The following NDRG1 variants were observed in gnomAD, a reference collection of about 807,000 sequenced individuals.
NDRG1 encodes the protein protein NDRG1.
In NDRG1, 32 loss-of-function variants were observed where a neutral mutation model predicts 56.9. The ratio of observed to expected loss-of-function variants is 0.56; its 90% CI spans 0.42 to 0.76. The LOEUF (loss-of-function observed/expected upper bound fraction) is 0.76, where lower values mean the gene tolerates loss of function less well. NDRG1 is among the 30% of genes least tolerant of loss of function. The probability of loss-of-function intolerance (pLI) is 0.00; values close to 1 mark genes in which losing one functional copy is unlikely to be tolerated. For synonymous variants in NDRG1, 211 were observed against 204.1 expected, an observed-to-expected ratio of 1.03 and a Z score of -0.29; for missense variants, 507 against 545.7, an observed-to-expected ratio of 0.93 and a Z score of 0.71.
chr8:133,293,142 C>G (rs1858519430), intron 1 of NDRG1, among the ~76,000 whole-genome samples: 1 of 152,244 alleles, frequency 6.6e-6, no homozygotes, highest in Non-Finnish European at 1.5e-5. Context: ...TCATGGCCCT[C>G]TACCTCTGCA....
Position 133,259,235 on chromosome 8 carries a change from G to C in NDRG1, c.327-5C>G, listed in dbSNP as rs545367069. ...TCCATGGAGGGGTACATGTACCTGG[G>C]GATGACACAGAGAAGCCATTAGTGA... On this transcript the variant is annotated splice_region_variant and splice_polypyrimidine_tract_variant and intron_variant, in intron 5 of 15. Transcript: ENST00000323851. 1.9e-6 allele frequency: 3 copies of C among 1,614,056 alleles called. No individual in the cohort carries two copies. The East Asian group carries it at 6.7e-5, about 36-fold the overall frequency.
chr8:133,252,643 A>G, intron 9 of NDRG1, among the ~76,000 whole-genome samples: 1 of 150,212 alleles, frequency 6.7e-6, no homozygotes, highest in Non-Finnish European at 1.5e-5. Flanking sequence ...TCCCTCGTAC[A>G]CTCGCCAACT....
intron 3 of NDRG1, among the ~76,000 whole-genome samples, chr8:133,269,944 G>A (rs1857110723): frequency 6.6e-6 from 1 of 152,262 alleles, no homozygotes; most frequent in Admixed American, 6.5e-5. Context: ...GTGAGGAAGT[G>A]TGCCAACACT....
In NDRG1 at chr8:133,253,997, C is replaced by T. The variant is rs142991926; in HGVS notation, c.594+542G>A. 3.3e-4 allele frequency among the ~76,000 whole-genome samples: 50 copies of T among 151,730 alleles called. No individual in the cohort carries two copies. In the East Asian group the frequency reaches 9.5e-3, roughly 29 times the overall value. ...GATTATAGGAATGAGCACTGCACCC[C>T]GACTAGGAATAAACTATTGATCCAC... is the stretch of plus-strand genomic sequence containing the variant. On this transcript the variant is annotated intron_variant, in intron 9 of 15. Transcript: ENST00000323851.
chr8:133,284,848 C>T (rs769932299), intron 1 of NDRG1: 11 of 456,578 alleles, frequency 2.4e-5, no homozygotes, highest in Middle Eastern at 3.2e-4. Flanking sequence ...CACACGCATG[C>T]GCGTGAACAC....
chr8:133,286,045 C>G (rs1209112971), intron 1 of NDRG1, among the ~76,000 whole-genome samples: 2 of 152,140 alleles, frequency 1.3e-5, no homozygotes, highest in Non-Finnish European at 2.9e-5. Flanking sequence ...GCAAAGCGCG[C>G]CAGGGTGAAG....
At chr8:133,239,300 G>A (rs1002649603) in intron 15 of NDRG1, 181 bp from the exon 16 acceptor site, 57 of 997,970 alleles carry the variant, frequency 5.7e-5, no homozygotes, top group Non-Finnish European at 8.2e-5. Flanking sequence ...GAGATGGCAA[G>A]GCCCAGATGC....
At chr8:133,253,390 T>A (rs560016300) in intron 9 of NDRG1, among the ~76,000 whole-genome samples, 18 of 152,322 alleles carry the variant, frequency 1.2e-4, no homozygotes, top group Non-Finnish European at 2.2e-4. Context: ...TCTCCCTGGT[T>A]GAGACCCTAT....
intron 15 of NDRG1, chr8:133,239,736 AT>A (rs1855278255): frequency 6.2e-6 from 1 of 160,602 alleles, no homozygotes; most frequent in Admixed American, 5.8e-5. Context: ...GCACATGCTG[AT>A]GGGGTAGCAC....
At chr8:133,260,003 G>A (rs1431808438) in intron 5 of NDRG1, among the ~76,000 whole-genome samples, 2 of 152,192 alleles carry the variant, frequency 1.3e-5, no homozygotes, top group African/African-American at 4.8e-5. Flanking sequence ...CGTATGGTGT[G>A]GCTCCACATC....
At chr8:133,252,066 C>CA (rs1856081419) in intron 9 of NDRG1, among the ~76,000 whole-genome samples, 1 of 152,160 alleles carries the variant, frequency 6.6e-6, no homozygotes, top group Non-Finnish European at 1.5e-5. Context: ...GTTCTAGACT[C>CA]AGAGCTGTGA....
At chr8:133,250,260 G>C (rs1855938713) in intron 10 of NDRG1, among the ~76,000 whole-genome samples, 180 bp downstream of exon 10, 1 of 152,124 alleles carries the variant, frequency 6.6e-6, no homozygotes, top group Non-Finnish European at 1.5e-5. Context: ...TGAATGCCAG[G>C]AACCAGCTTA....
chr8:133,259,903 A>G (rs553647430), intron 5 of NDRG1, among the ~76,000 whole-genome samples: 1 of 152,300 alleles, frequency 6.6e-6, no homozygotes, highest in African/African-American at 2.4e-5. Flanking sequence ...GGAAGAAGTG[A>G]CGCTGAAGGG....
intron 3 of NDRG1, among the ~76,000 whole-genome samples, chr8:133,273,880 C>T (rs936348178): frequency 1.3e-5 from 2 of 152,120 alleles, no homozygotes; most frequent in African/African-American, 4.8e-5. Flanking sequence ...AGAAAATAAG[C>T]TGGAACCCAA....
At chr8:133,269,087 T>A (rs987690386) in intron 3 of NDRG1, among the ~76,000 whole-genome samples, 2 of 152,202 alleles carry the variant, frequency 1.3e-5, no homozygotes, top group African/African-American at 4.8e-5. Flanking sequence ...ACCCATCCCG[T>A]GTCTTCTATG....
chr8:133,240,123 C>G (rs1257628331), intron 15 of NDRG1: 2 of 152,202 alleles, frequency 1.3e-5, no homozygotes, highest in African/African-American at 4.8e-5. Flanking sequence ...GAGCAAGGCC[C>G]TGCCCACACC....
At position 133,245,628 on chromosome 8, in the gene NDRG1, C is replaced by T. The variant is rs546962917; in HGVS notation, c.855+988G>A. Among the ~76,000 whole-genome samples, 20 of 152,218 alleles carry T rather than the reference C, an allele frequency of 1.3e-4. 1 individual carries two copies. In the Middle Eastern group the frequency reaches 0.014, roughly 104 times the overall value. On this transcript the variant is annotated intron_variant, in intron 13 of 15. Transcript: ENST00000323851. ...AGCTGGAAGAGGCAGGCAGCATTCT[C>T]CCCTAGCACCTTCAGAGGGAGCACG... is the stretch of plus-strand genomic sequence containing the variant.
rs777806445 is a variant in NDRG1 at position 133,243,335 on chromosome 8, T to A, written c.891+1020A>T. ...GTGGAGAGAACCAAGAATACACGCT[T>A]GGGAATGAGAACACTTGGGCCCAAT... On this transcript the variant is annotated intron_variant, in intron 14 of 15. Coordinates refer to ENST00000323851, the MANE Select transcript of NDRG1 (RefSeq NM_006096.4). Among the ~76,000 whole-genome samples the A allele has an allele frequency of 2.6e-5, 4 of 152,284 alleles. No homozygotes were observed. The South Asian group carries it at 8.3e-4, about 32-fold the overall frequency.
chr8:133,284,268 G>C lies in NDRG1; in HGVS notation c.44C>G (p.Pro15Arg). Reference protein sequence around the residue: ...MQDVDLAEVKPLVEKGETITG... With the variant: ...MQDVDLAEVKRLVEKGETITG... ...ACTCACCTCCCCTTTCTCCACCAAA[G>C]GCTTCACCTCAGCGAGGTCTACATC... Residue 15 changes from proline to arginine, a missense_variant, in exon 2 of 16, where the codon CCT becomes CGT. Coordinates refer to ENST00000323851, the MANE Select transcript of NDRG1 (RefSeq NM_006096.4). The C allele has an allele frequency of 6.2e-7, 1 of 1,614,152 alleles. No homozygotes were observed. Among genetic ancestry groups the C allele is most frequent in the Non-Finnish European group, 8.5e-7 (1 of 1,180,028 alleles).
Sources: allele counts gnomAD v4.1 joint callset (sites outside exome capture counted in the v4.1 genomes callset), GRCh38; gene constraint gnomAD v4.1.1; transcripts MANE v1.5; gene names NCBI Gene and HGNC (gene_info 2026-07-23, HGNC 2026-07-21).